Variants in ADAMTSL3 observed in about 807,000 individuals in gnomAD.
The protein encoded by ADAMTSL3 is ADAMTS like 3.
A neutral mutation model predicts 201.7 loss-of-function variants in ADAMTSL3; 128 were observed. That is an observed-to-expected ratio of 0.63 (90% CI 0.55 to 0.73). The LOEUF (loss-of-function observed/expected upper bound fraction) is 0.73, where lower values mean the gene tolerates loss of function less well. Ranked by LOEUF, ADAMTSL3 falls within the 30% of genes least tolerant of loss-of-function variation. The probability of loss-of-function intolerance (pLI) is 0.00; values close to 1 mark genes in which losing one functional copy is unlikely to be tolerated. For synonymous variants in ADAMTSL3, 738 were observed against 748.4 expected, an observed-to-expected ratio of 0.99 and a Z score of 0.23; for missense variants, 1,990 against 2,119.6, an observed-to-expected ratio of 0.94 and a Z score of 1.20.
intron 4 of ADAMTSL3, among the ~76,000 whole-genome samples, chr15:83,802,610 G>C (rs2063542148): frequency 6.6e-6 from 1 of 152,182 alleles, no homozygotes; most frequent in African/African-American, 2.4e-5. Flanking sequence ...AGCTACATAT[G>C]CTGGGATTCC....
At chr15:83,713,749 A>G (rs577296454) in intron 3 of ADAMTSL3, among the ~76,000 whole-genome samples, 45 of 152,368 alleles carry the variant, frequency 3.0e-4, no homozygotes, top group African/African-American at 8.7e-4. Flanking sequence ...TTTATTCCCT[A>G]TCACAAGGGA....
At chr15:83,872,095 A>G (rs1018289695) in intron 9 of ADAMTSL3, among the ~76,000 whole-genome samples, 5 of 152,064 alleles carry the variant, frequency 3.3e-5, no homozygotes, top group African/African-American at 9.7e-5. Flanking sequence ...TGCACAGTGT[A>G]TTGTTTTGTT....
intron 17 of ADAMTSL3, among the ~76,000 whole-genome samples, chr15:83,934,702 T>A (rs2066429583): frequency 6.6e-6 from 1 of 151,954 alleles, no homozygotes; most frequent in Non-Finnish European, 1.5e-5. Flanking sequence ...GTGGAGATAA[T>A]TGAATGCAGT....
At chr15:83,909,322 T>G (rs114971916) in intron 15 of ADAMTSL3, among the ~76,000 whole-genome samples, 1,548 of 152,320 alleles carry the variant, frequency 0.01, 20 homozygotes, top group African/African-American at 0.034. Context: ...GCCATTATTC[T>G]GCCTACAATT....
intron 19 of ADAMTSL3, among the ~76,000 whole-genome samples, chr15:83,951,808 A>G (rs1350649073): frequency 6.6e-6 from 1 of 152,106 alleles, no homozygotes; most frequent in African/African-American, 2.4e-5. Flanking sequence ...TGTAATTGCC[A>G]TAGTAGCAAC....
At chr15:83,658,513 C>T (rs779222659) in intron 2 of ADAMTSL3, among the ~76,000 whole-genome samples, 5 of 152,198 alleles carry the variant, frequency 3.3e-5, no homozygotes, top group Non-Finnish European at 5.9e-5. Context: ...GCTGGTAGTT[C>T]CTTGTTTTTG....
At chr15:83,948,164 C>A (rs1173937175) in intron 19 of ADAMTSL3, among the ~76,000 whole-genome samples, 1 of 152,040 alleles carries the variant, frequency 6.6e-6, no homozygotes, top group African/African-American at 2.4e-5. Context: ...TGGCATTCCC[C>A]GATTTTCCAT....
chr15:83,756,599 GC>G (rs35325384), intron 3 of ADAMTSL3, among the ~76,000 whole-genome samples: 28,803 of 142,730 alleles, frequency 0.2, 3,279 homozygotes, highest in South Asian at 0.37. Flanking sequence ...TTTCACCCCT[GC>G]CCCCCCCCCA....
intron 14 of ADAMTSL3, 116 bp downstream of exon 14, chr15:83,898,121 AG>A: frequency 1.7e-6 from 2 of 1,160,784 alleles, no homozygotes; most frequent in Non-Finnish European, 2.4e-6. Context: ...TTTTATTGAC[AG>A]ATTGCAATAG....
intron 19 of ADAMTSL3, among the ~76,000 whole-genome samples, chr15:83,965,215 G>C (rs2142105744): frequency 6.6e-6 from 1 of 152,218 alleles, no homozygotes; most frequent in South Asian, 2.1e-4. Context: ...CCAATTAAAA[G>C]ACAGAGACTG....
chr15:83,872,627 C>CACACACACACACACACACACACACAGAG (rs6145659), intron 9 of ADAMTSL3, among the ~76,000 whole-genome samples: 40 of 140,906 alleles, frequency 2.8e-4, no homozygotes, highest in African/African-American at 1.0e-3. Flanking sequence ...CACACACACA[C>CACACACACACACACACACACACACAGAG]AGAGTTTTTG....
chr15:83,773,687 G>A (rs1406266518), intron 4 of ADAMTSL3, 37 bp downstream of exon 4: 1 of 1,591,800 alleles, frequency 6.3e-7, no homozygotes, highest in Admixed American at 1.8e-5. Context: ...CATGTGGAAT[G>A]TGCCAGTGCC....
At chr15:83,720,027 C>CT (rs1323370526) in intron 3 of ADAMTSL3, among the ~76,000 whole-genome samples, 1 of 152,176 alleles carries the variant, frequency 6.6e-6, no homozygotes, top group East Asian at 1.9e-4. Context: ...TGAGACCAGA[C>CT]TGACCAACAT....
At chr15:83,845,088 C>G (rs990402088) in intron 7 of ADAMTSL3, among the ~76,000 whole-genome samples, 1 of 152,222 alleles carries the variant, frequency 6.6e-6, no homozygotes, top group Non-Finnish European at 1.5e-5. Flanking sequence ...CATGTGTCTC[C>G]CTGCTCTTCA....
intron 15 of ADAMTSL3, among the ~76,000 whole-genome samples, chr15:83,909,765 C>A (rs572463325): frequency 6.6e-6 from 1 of 152,208 alleles, no homozygotes; most frequent in Admixed American, 6.5e-5. Context: ...CAGGCATGCA[C>A]CACCATGCCT....
At chr15:83,724,103 A>T (rs1304426435) in intron 3 of ADAMTSL3, among the ~76,000 whole-genome samples, 1 of 147,852 alleles carries the variant, frequency 6.8e-6, no homozygotes, top group Non-Finnish European at 1.5e-5. Flanking sequence ...ATTTATTTTT[A>T]TTTTATTTTT....
At chr15:83,884,564 C>G (rs761583461) in intron 9 of ADAMTSL3, among the ~76,000 whole-genome samples, 2 of 151,328 alleles carry the variant, frequency 1.3e-5, no homozygotes. Context: ...TGTGAGCCAC[C>G]GTGCCTGGCC....
intron 3 of ADAMTSL3, among the ~76,000 whole-genome samples, chr15:83,706,087 A>G (rs1233934759): frequency 6.6e-6 from 1 of 152,146 alleles, no homozygotes; most frequent in African/African-American, 2.4e-5. Context: ...GAGAGGGTCT[A>G]TAATTTATAG....
chr15:83,916,169 G>A (rs528009014), intron 16 of ADAMTSL3, among the ~76,000 whole-genome samples: 1 of 152,304 alleles, frequency 6.6e-6, no homozygotes, highest in East Asian at 1.9e-4. Context: ...CAGTATTCAG[G>A]TGGGTGATGT....
Sources: gnomAD v4.1 joint callset for allele counts (sites outside exome capture counted in the v4.1 genomes callset) on GRCh38, gnomAD v4.1.1 for gene constraint, MANE v1.5 for transcripts, NCBI Gene and HGNC (gene_info 2026-07-23, HGNC 2026-07-21) for gene names.